SEL1L2: variants seen among roughly 807,000 people sequenced by gnomAD.
The protein encoded by SEL1L2 is protein sel-1 homolog 2.
In SEL1L2, 89 loss-of-function variants were observed where a neutral mutation model predicts 98.8. The observed-to-expected ratio is 0.90, with a 90% CI of 0.76 to 1.07. SEL1L2 has a LOEUF of 1.07. SEL1L2 is among the 50% of genes least tolerant of loss of function. The probability of loss-of-function intolerance (pLI) is 0.00; values close to 1 mark genes in which losing one functional copy is unlikely to be tolerated. For missense variants in SEL1L2, 788 were observed against 812.0 expected (o/e 0.97, Z 0.36); for synonymous variants, 262 against 278.5 (o/e 0.94, Z 0.59).
intron 4 of SEL1L2, chr20:13,915,182 C>A (rs999817434): frequency 7.8e-7 from 1 of 1,289,470 alleles, no homozygotes; most frequent in African/African-American, 1.5e-5. Flanking sequence ...GAAGCTGGAG[C>A]AGAGTAGTCC....
In SEL1L2 at chr20:13,939,040, G is replaced by GGTTTTTTTTTTTTTTTTTTTT; in HGVS notation, c.115-7270_115-7269insAAAAAAAAAAAAAAAAAAAAC. Reference sequence around the variant, plus strand: ...TCTTTTTGGTTTGTTTGCTTGTTTTGTTTTTTTTTTTTTTTTTTTCTGAGA... The same window carrying GGTTTTTTTTTTTTTTTTTTTT: ...TCTTTTTGGTTTGTTTGCTTGTTTTGGTTTTTTTTTTTTTTTTTTTTTTTTTTTTTTTTTTTTTTTCTGAGA... On this transcript the variant is annotated intron_variant, in intron 2 of 19. Coordinates refer to ENST00000284951, the MANE Select transcript of SEL1L2 (RefSeq NM_025229.2). Among the ~76,000 whole-genome samples, 64 of 114,086 alleles carry GGTTTTTTTTTTTTTTTTTTTT rather than the reference G, an allele frequency of 5.6e-4. 10 individuals are homozygous for GGTTTTTTTTTTTTTTTTTTTT. Among genetic ancestry groups the GGTTTTTTTTTTTTTTTTTTTT allele is most frequent in the Admixed American group, 8.9e-4 (9 of 10,128 alleles). The allele number at this position is 114,086 out of a possible 152,430, so 74.8% of individuals were successfully genotyped here. A position where few individuals can be genotyped will look rare whatever the true frequency, so the allele number is the denominator to read the frequency against.
rs144751826 is a variant in SEL1L2, at chr20:13,890,592, A to G, written c.550-2080T>C. ...TTAAGTGCACAAATCGTAGCAAAATAATAACAACAACAACAACAACAAGGC... is the reference window on the plus strand; with the variant it reads ...TTAAGTGCACAAATCGTAGCAAAATGATAACAACAACAACAACAACAAGGC... On this transcript the variant is annotated intron_variant, in intron 5 of 19. Transcript: ENST00000284951. 1.5e-4 allele frequency among the ~76,000 whole-genome samples: 23 copies of G among 152,266 alleles called. No homozygotes were observed. In the East Asian group the frequency reaches 3.9e-3, roughly 26 times the overall value.
chr20:13,862,064 T>C (rs899411467), intron 17 of SEL1L2, among the ~76,000 whole-genome samples: 1 of 152,240 alleles, frequency 6.6e-6, no homozygotes, highest in African/African-American at 2.4e-5. Flanking sequence ...AGGTACTTCA[T>C]GAGGACAAGC....
chr20:13,952,374 G>A (rs2050315418), intron 2 of SEL1L2, among the ~76,000 whole-genome samples: 1 of 152,196 alleles, frequency 6.6e-6, no homozygotes, highest in Non-Finnish European at 1.5e-5. Flanking sequence ...TCATGGATAA[G>A]GGTCATGCTA....
chr20:13,866,601 A>G, intron 15 of SEL1L2, 101 bp downstream of exon 15: 1 of 947,214 alleles, frequency 1.1e-6, no homozygotes, highest in Non-Finnish European at 1.5e-6. Context: ...GAAAAGAGGT[A>G]ATATTTATAA....
intron 3 of SEL1L2, among the ~76,000 whole-genome samples, chr20:13,925,926 T>A (rs1264366533): frequency 6.6e-6 from 1 of 152,204 alleles, no homozygotes; most frequent in Non-Finnish European, 1.5e-5. Context: ...GTGAGCTGAT[T>A]TAAAGAAAAA....
At chr20:13,881,645 G>C (rs2046706235) in intron 10 of SEL1L2, among the ~76,000 whole-genome samples, 1 of 152,126 alleles carries the variant, frequency 6.6e-6, no homozygotes, top group Non-Finnish European at 1.5e-5. Flanking sequence ...TCAGGGAGAG[G>C]GTAAAAACGT....
intron 1 of SEL1L2, among the ~76,000 whole-genome samples, chr20:13,975,194 G>A (rs138435562): frequency 6.6e-6 from 1 of 152,262 alleles, no homozygotes; most frequent in African/African-American, 2.4e-5. Context: ...ATAAAAAACT[G>A]ATTGTCACTA....
chr20:13,955,677 C>T (rs2050503721), intron 2 of SEL1L2, among the ~76,000 whole-genome samples: 1 of 152,192 alleles, frequency 6.6e-6, no homozygotes, highest in South Asian at 2.1e-4. Context: ...GAATCCCCTA[C>T]TTCCAAAATG....
intron 8 of SEL1L2, among the ~76,000 whole-genome samples, chr20:13,886,985 A>G (rs1408669069): frequency 6.6e-6 from 1 of 152,194 alleles, no homozygotes; most frequent in Admixed American, 6.5e-5. Flanking sequence ...ACTCTACTGA[A>G]GATCTTGACC....
chr20:13,880,372 C>G (rs943414769), intron 10 of SEL1L2, among the ~76,000 whole-genome samples: 1 of 152,030 alleles, frequency 6.6e-6, no homozygotes, highest in African/African-American at 2.4e-5. Flanking sequence ...TGATAAAGAC[C>G]TAAAGGAATT....
At position 13,955,467 on chromosome 20, in the gene SEL1L2, G is replaced by A. The variant is rs896878769; in HGVS notation, c.114+609C>T. Among the ~76,000 whole-genome samples the A allele has an allele frequency of 4.6e-5, 7 of 152,056 alleles. No homozygotes were observed. The East Asian group carries it at 1.4e-3, about 29-fold the overall frequency. On this transcript the variant is annotated intron_variant, in intron 2 of 19. Coordinates refer to ENST00000284951, the MANE Select transcript of SEL1L2 (RefSeq NM_025229.2). ...TTTTTGAGGAACAGCATGGAGTCCA[G>A]TGTATATGCAATAACATCAAGAAGA...
chr20:13,869,454 A>G, intron 14 of SEL1L2, 49 bp downstream of exon 14: 1 of 1,341,114 alleles, frequency 7.5e-7, no homozygotes, highest in East Asian at 2.3e-5. Flanking sequence ...AGCAGACTTA[A>G]TAATGCATAT....
intron 5 of SEL1L2, among the ~76,000 whole-genome samples, chr20:13,900,241 T>G (rs530276784): frequency 5.5e-4 from 84 of 152,354 alleles, no homozygotes; most frequent in African/African-American, 2.0e-3. Context: ...GAAAATGTCT[T>G]TATTTCATCT....
intron 2 of SEL1L2, among the ~76,000 whole-genome samples, chr20:13,936,590 C>T (rs1344535346): frequency 2.0e-5 from 3 of 152,166 alleles, no homozygotes; most frequent in Non-Finnish European, 4.4e-5. Context: ...TTTCCACACC[C>T]AGATGATTAC....
upstream of SEL1L2, among the ~76,000 whole-genome samples, chr20:13,994,707 T>G (rs1024882474): frequency 6.6e-6 from 1 of 152,224 alleles, no homozygotes; most frequent in Non-Finnish European, 1.5e-5. Flanking sequence ...TTTTTGGACC[T>G]GCGTCTTAAC....
intron 4 of SEL1L2, among the ~76,000 whole-genome samples, chr20:13,914,156 C>T (rs1296242036): frequency 6.6e-6 from 1 of 151,946 alleles, no homozygotes. Context: ...AATAATAATG[C>T]TACTAAAAAG....
chr20:13,855,403 G>T (rs759783466), intron 18 of SEL1L2, among the ~76,000 whole-genome samples: 9 of 151,980 alleles, frequency 5.9e-5, no homozygotes, highest in Non-Finnish European at 1.2e-4. Flanking sequence ...ATTTTTTGGC[G>T]GTTTTATTTG....
chr20:13,958,879 A>G (rs1486811804), intron 1 of SEL1L2, among the ~76,000 whole-genome samples: 3 of 146,436 alleles, frequency 2.0e-5, no homozygotes, highest in African/African-American at 7.6e-5. Context: ...GCTGAGATCG[A>G]CCCACTGCAC....
Sources: allele counts gnomAD v4.1 joint callset (sites outside exome capture counted in the v4.1 genomes callset), GRCh38; gene constraint gnomAD v4.1.1; transcripts MANE v1.5; gene names NCBI Gene and HGNC (gene_info 2026-07-23, HGNC 2026-07-21).